The following COL22A1 variants were observed in gnomAD, a reference collection of about 807,000 sequenced individuals.
COL22A1 encodes collagen alpha-1(XXII) chain.
A neutral mutation model predicts 248.9 loss-of-function variants in COL22A1; 221 were observed. The ratio of observed to expected loss-of-function variants is 0.89; its 90% CI spans 0.80 to 0.99. The LOEUF (loss-of-function observed/expected upper bound fraction) is 0.99, where lower values mean the gene tolerates loss of function less well. Ranked by LOEUF, COL22A1 falls within the 50% of genes least tolerant of loss-of-function variation. The probability of loss-of-function intolerance (pLI) is 0.00; values close to 1 mark genes in which losing one functional copy is unlikely to be tolerated. For synonymous variants in COL22A1, 891 were observed against 793.4 expected (o/e 1.12, Z -2.07); for missense variants, 2,240 against 2,179.0 (o/e 1.03, Z -0.56).
At chr8:138,696,274 C>T (rs182244818) in intron 32 of COL22A1, among the ~76,000 whole-genome samples, 22 of 152,270 alleles carry the variant, frequency 1.4e-4, no homozygotes, top group African/African-American at 4.1e-4. Flanking sequence ...AGGGGGACAT[C>T]GGGCTCCCCT....
chr8:138,824,557 T>C (rs184635343), intron 6 of COL22A1, among the ~76,000 whole-genome samples: 14 of 152,304 alleles, frequency 9.2e-5, no homozygotes, highest in Admixed American at 8.5e-4. Flanking sequence ...CAAGACTTAT[T>C]GAAACCCAGC....
rs746742884 is a variant in COL22A1, at chr8:138,598,948, AC to A, written c.4186-51del. ...CATGTGTCTCAGGGCTGGAAGCTGT[AC>A]CCCATGCAGCTGCAAAAGGGGTTCC... On this transcript the variant is annotated intron_variant, in intron 60 of 64. Coordinates refer to ENST00000303045, the MANE Select transcript of COL22A1 (RefSeq NM_152888.3). The A allele has an allele frequency of 3.8e-6, 6 of 1,591,850 alleles. No homozygotes were observed. In the East Asian group the frequency reaches 1.3e-4, roughly 36 times the overall value.
chr8:138,802,505 A>G (rs1343978), intron 11 of COL22A1, among the ~76,000 whole-genome samples: 47,627 of 151,722 alleles, frequency 0.31, 8,203 homozygotes, highest in African/African-American at 0.46. Flanking sequence ...CATGGGGAAG[A>G]GAAAACAGGG....
At chr8:138,592,409 C>T (rs1262477644) in intron 63 of COL22A1, among the ~76,000 whole-genome samples, 2 of 152,176 alleles carry the variant, frequency 1.3e-5, no homozygotes, top group Non-Finnish European at 2.9e-5. Context: ...TCAGACCATT[C>T]ATTTTTATTG....
At chr8:138,610,721 T>C (rs1396384449) in intron 56 of COL22A1, among the ~76,000 whole-genome samples, 1 of 152,142 alleles carries the variant, frequency 6.6e-6, no homozygotes, top group Admixed American at 6.5e-5. Flanking sequence ...CCAGGCCAGC[T>C]GCCGTCTTCC....
At chr8:138,593,241 G>A (rs1171325377) in intron 63 of COL22A1, among the ~76,000 whole-genome samples, 1 of 151,984 alleles carries the variant, frequency 6.6e-6, no homozygotes, top group Admixed American at 6.6e-5. Context: ...AGGGGACAGA[G>A]GGCATTAGGA....
intron 1 of COL22A1, among the ~76,000 whole-genome samples, chr8:138,907,964 A>G (rs1036424756): frequency 1.3e-5 from 2 of 152,210 alleles, no homozygotes; most frequent in African/African-American, 4.8e-5. Flanking sequence ...AGTTCCCAAC[A>G]CATGAACTTT....
At position 138,589,133 on chromosome 8, in the gene COL22A1, TA is replaced by T. The variant is rs1816820816; in HGVS notation, c.*119del. The T allele has an allele frequency of 2.2e-6, 2 of 929,910 alleles. No homozygotes were observed. The highest frequency in any genetic ancestry group is 3.2e-6 in the Non-Finnish European group (2 of 620,604). The allele number at this position is 929,910 out of a possible 1,614,324, so 57.6% of individuals were successfully genotyped here. A position where few individuals can be genotyped will look rare whatever the true frequency, so the allele number is the denominator to read the frequency against. On this transcript the variant is annotated 3_prime_UTR_variant, in exon 65 of 65. Coordinates refer to ENST00000303045, the MANE Select transcript of COL22A1 (RefSeq NM_152888.3). ...AGAAAATAAAACAAAAAGCAAACGA[TA>T]AAAGAAAGAAAAAAAAAAGGAACAC...
chr8:138,751,653 A>G, intron 21 of COL22A1, 142 bp from the exon 22 acceptor site: 1 of 528,904 alleles, frequency 1.9e-6, no homozygotes. Context: ...CGGAGGTCCC[A>G]TTCTCTCAAA....
chr8:138,699,382 C>T (rs1827772115), intron 32 of COL22A1, among the ~76,000 whole-genome samples: 1 of 152,222 alleles, frequency 6.6e-6, no homozygotes, highest in African/African-American at 2.4e-5. Flanking sequence ...CTGAAATGGA[C>T]ATCTACCTCA....
intron 2 of COL22A1, among the ~76,000 whole-genome samples, chr8:138,882,295 T>C (rs1488930934): frequency 6.6e-6 from 1 of 151,506 alleles, no homozygotes; most frequent in Non-Finnish European, 1.5e-5. Context: ...CTCACATGCA[T>C]ACTGACATTG....
At chr8:138,844,606 G>A (rs565008807) in intron 3 of COL22A1, among the ~76,000 whole-genome samples, 134 of 152,324 alleles carry the variant, frequency 8.8e-4, no homozygotes, top group African/African-American at 3.0e-3. Context: ...GATTTAGCCT[G>A]ATAGACAAAA....
At chr8:138,615,307 G>T (rs1819220694) in intron 55 of COL22A1, among the ~76,000 whole-genome samples, 1 of 152,144 alleles carries the variant, frequency 6.6e-6, no homozygotes, top group Admixed American at 6.5e-5. Context: ...GAGGCAGGTG[G>T]ATCACCTGAG....
chr8:138,619,893 C>A, intron 52 of COL22A1: 1 of 213,626 alleles, frequency 4.7e-6, no homozygotes, highest in Non-Finnish European at 9.5e-6. Context: ...TTACCGATGG[C>A]AACACTGAGG....
At chr8:138,833,257 G>A in intron 4 of COL22A1, 107 bp from the exon 5 acceptor site, 1 of 750,310 alleles carries the variant, frequency 1.3e-6, no homozygotes, top group Non-Finnish European at 2.4e-6. Flanking sequence ...TCCTGCCCCA[G>A]GAGAACAGAT....
At chr8:138,739,955 C>T (rs1273371637) in intron 22 of COL22A1, among the ~76,000 whole-genome samples, 1 of 152,156 alleles carries the variant, frequency 6.6e-6, no homozygotes, top group Non-Finnish European at 1.5e-5. Flanking sequence ...GTCACAGATA[C>T]CTTCAGAAGA....
chr8:138,840,150 C>T (rs1820773860), intron 4 of COL22A1, among the ~76,000 whole-genome samples: 1 of 152,130 alleles, frequency 6.6e-6, no homozygotes, highest in Non-Finnish European at 1.5e-5. Flanking sequence ...AGAAGCTGTC[C>T]CTATTACCCA....
chr8:138,641,410 A>C (rs1193130981), intron 47 of COL22A1, among the ~76,000 whole-genome samples: 1 of 152,230 alleles, frequency 6.6e-6, no homozygotes, highest in Non-Finnish European at 1.5e-5. Context: ...CGTAGGGGAC[A>C]GAATAGTCAT....
chr8:138,908,204 T>C (rs1338257672), intron 1 of COL22A1, among the ~76,000 whole-genome samples: 1 of 152,216 alleles, frequency 6.6e-6, no homozygotes, highest in Non-Finnish European at 1.5e-5. Context: ...GACACTGTGC[T>C]AGATGCCCAT....
Sources: gnomAD v4.1 joint callset for allele counts (sites outside exome capture counted in the v4.1 genomes callset) on GRCh38, gnomAD v4.1.1 for gene constraint, MANE v1.5 for transcripts, NCBI Gene and HGNC (gene_info 2026-07-23, HGNC 2026-07-21) for gene names.